The following DPEP1 variants were observed in gnomAD, a reference collection of about 807,000 sequenced individuals.
The protein encoded by DPEP1 is dipeptidase 1, also known as beta-lactamase.
A neutral mutation model predicts 42.3 loss-of-function variants in DPEP1; 50 were observed. That is an observed-to-expected ratio of 1.18 (90% CI 0.94 to 1.50). The LOEUF (loss-of-function observed/expected upper bound fraction) is 1.50, where lower values mean the gene tolerates loss of function less well. Ranked by LOEUF, DPEP1 falls within the 40% of genes most tolerant of loss-of-function variation. DPEP1 has a pLI of 0.00. For missense variants in DPEP1, 663 were observed against 553.0 expected (o/e 1.20, Z -1.99); for synonymous variants, 297 against 234.0 (o/e 1.27, Z -2.46).
downstream of DPEP1, chr16:89,638,539 G>A (rs184236226): frequency 3.1e-5 from 36 of 1,148,902 alleles, no homozygotes; most frequent in African/African-American, 3.2e-5. Context: ...TCGAGTCTTC[G>A]GTCCAGGCCA....
At chr16:89,626,860 G>A (rs916415499) in intron 1 of DPEP1, among the ~76,000 whole-genome samples, 1 of 151,696 alleles carries the variant, frequency 6.6e-6, no homozygotes. Context: ...GCTCATGCCT[G>A]TAATCCCAAC....
Position 89,636,599 on chromosome 16 carries a change from T to G in DPEP1, c.437T>G (p.Ile146Ser). The G allele has an allele frequency of 6.2e-7, 1 of 1,612,596 alleles. No individual in the cohort carries two copies. Among genetic ancestry groups the G allele is most frequent in the South Asian group, 1.1e-5 (1 of 91,084 alleles). Residue 146 changes from isoleucine to serine, a missense_variant, in exon 5 of 11, where the codon ATT becomes AGT. Coordinates refer to ENST00000690203, the MANE Select transcript of DPEP1 (RefSeq NM_001389466.1). ...ATCGGCGTGGAGGGCGGCCACTCCA[T>G]TGACAGCAGTTTGGGCGTCCTGCGG... The part of the protein sequence containing the change: ...SLIGVEGGHS[I>S]DSSLGVLRAL...
chr16:89,631,693 T>C (rs907154015), intron 2 of DPEP1, among the ~76,000 whole-genome samples: 2 of 152,052 alleles, frequency 1.3e-5, no homozygotes, highest in Non-Finnish European at 2.9e-5. Context: ...CTGTCTCTAC[T>C]AAAAATACAA....
chr16:89,619,753 G>T (rs1285367293), intron 1 of DPEP1, among the ~76,000 whole-genome samples: 1 of 3,108 alleles, frequency 3.2e-4, no homozygotes, highest in East Asian at 3.4e-3. Context: ...AGCCTGCTGT[G>T]CCCCCTGCTC....
chr16:89,637,785 A>G, intron 9 of DPEP1, 51 bp from the exon 10 acceptor site: 1 of 1,612,508 alleles, frequency 6.2e-7, no homozygotes, highest in South Asian at 1.1e-5. Context: ...TGGCTGGAGG[A>G]GGGACCTGTG....
chr16:89,614,129 C>T (rs1017166011), intron 1 of DPEP1, among the ~76,000 whole-genome samples: 3 of 152,024 alleles, frequency 2.0e-5, no homozygotes, highest in African/African-American at 7.2e-5. Flanking sequence ...CGGCGGCTTC[C>T]TGGGACTCAA....
chr16:89,640,977 C>T (rs181403699), downstream of DPEP1, among the ~76,000 whole-genome samples: 26 of 152,290 alleles, frequency 1.7e-4, no homozygotes, highest in Middle Eastern at 6.8e-3. Flanking sequence ...TAAGGTCACG[C>T]GAGTCACGTG....
Position 89,637,720 on chromosome 16 carries a change from G to T in DPEP1, c.929+13G>T. The T allele has an allele frequency of 6.2e-7, 1 of 1,613,092 alleles. No individual in the cohort carries two copies. The highest frequency in any genetic ancestry group is 8.5e-7 in the Non-Finnish European group (1 of 1,179,968). On this transcript the variant is annotated intron_variant, in intron 9 of 10. Coordinates refer to ENST00000690203, the MANE Select transcript of DPEP1 (RefSeq NM_001389466.1). ...ATGGTGTTCCAAGGTAAGGGGCTGA[G>T]AGCTCTGTCCTGTGGATGAGCCGGG...
At position 89,637,394 on chromosome 16, in the gene DPEP1, G is replaced by T. The variant is rs376848728; in HGVS notation, c.768+14G>T. On this transcript the variant is annotated intron_variant, in intron 7 of 10. Transcript: ENST00000690203. ...CTGAGGCTGGTGGTGAGGGCCGAGG[G>T]GGCGACCTCCACCCCGCCTCCCTGG... 12 of 1,612,138 alleles carry T rather than the reference G, an allele frequency of 7.4e-6. No individual in the cohort carries two copies. In the African/African-American group the frequency reaches 1.6e-4, roughly 22 times the overall value.
At chr16:89,619,806 TG>T (rs1567980935) in intron 1 of DPEP1, among the ~76,000 whole-genome samples, 9 of 278 alleles carry the variant, frequency 0.032, 1 homozygote, top group East Asian at 0.18. Context: ...CAGCGCCCTG[TG>T]CCCCCCACTC....
At chr16:89,621,541 G>A (rs971704898) in intron 1 of DPEP1, among the ~76,000 whole-genome samples, 2 of 152,188 alleles carry the variant, frequency 1.3e-5, no homozygotes, top group Non-Finnish European at 2.9e-5. Context: ...GACAGGGCCG[G>A]GCTCCCCGTG....
chr16:89,621,484 G>A (rs770845341), intron 1 of DPEP1, among the ~76,000 whole-genome samples: 2 of 152,194 alleles, frequency 1.3e-5, no homozygotes, highest in African/African-American at 2.4e-5. Context: ...GAGAGAGTCC[G>A]GGGCTGCTGA....
downstream of DPEP1, among the ~76,000 whole-genome samples, chr16:89,640,202 C>T (rs1597780495): frequency 1.3e-5 from 2 of 152,236 alleles, no homozygotes; most frequent in African/African-American, 4.8e-5. Flanking sequence ...ACCCCCCACG[C>T]TGCTGCTGCC....
chr16:89,639,979 C>T (rs961491400), downstream of DPEP1, among the ~76,000 whole-genome samples: 13 of 152,194 alleles, frequency 8.5e-5, no homozygotes, highest in Non-Finnish European at 1.2e-4. Context: ...CCAGCCCAGC[C>T]TCTTTTGGTA....
intron 2 of DPEP1, among the ~76,000 whole-genome samples, chr16:89,630,891 C>T (rs894922340): frequency 1.3e-5 from 2 of 151,990 alleles, no homozygotes; most frequent in Non-Finnish European, 2.9e-5. Context: ...CGGTGCCGGG[C>T]CCTTGCCCTT....
intron 1 of DPEP1, among the ~76,000 whole-genome samples, chr16:89,625,845 C>G (rs921146718): frequency 6.6e-6 from 1 of 152,172 alleles, no homozygotes; most frequent in Non-Finnish European, 1.5e-5. Context: ...GACGAAGAGA[C>G]TGAGGCCGAG....
At chr16:89,629,097 G>T (rs2059552186) in intron 1 of DPEP1, among the ~76,000 whole-genome samples, 1 of 152,190 alleles carries the variant, frequency 6.6e-6, no homozygotes, top group South Asian at 2.1e-4. Context: ...AAAGTGCTGG[G>T]ATTATAGGCG....
intron 1 of DPEP1, chr16:89,616,824 T>G: frequency 4.4e-5 from 11 of 252,230 alleles, no homozygotes; most frequent in South Asian, 3.5e-4. Context: ...GGCCAGGAAG[T>G]GGCCAGGAAG....
chr16:89,615,900 C>G (rs910757126), intron 1 of DPEP1, among the ~76,000 whole-genome samples: 1 of 152,148 alleles, frequency 6.6e-6, no homozygotes, highest in South Asian at 2.1e-4. Flanking sequence ...GTGTCCACCC[C>G]TTTCACAGGC....
Sources: allele counts gnomAD v4.1 joint callset (sites outside exome capture counted in the v4.1 genomes callset), GRCh38; gene constraint gnomAD v4.1.1; transcripts MANE v1.5; gene names NCBI Gene and HGNC (gene_info 2026-07-23, HGNC 2026-07-21).